DLC1: variants seen among roughly 807,000 people sequenced by gnomAD.
DLC1 encodes rho GTPase-activating protein 7.
DLC1 carries 54 observed loss-of-function variants against 140.3 expected under a neutral mutation model. That is an observed-to-expected ratio of 0.38 (90% CI 0.31 to 0.48). The LOEUF is 0.48. Among genes scored for constraint, DLC1 ranks in the 20% least tolerant of loss-of-function variants. The pLI is 0.96. For synonymous variants in DLC1, 986 were observed against 728.1 expected (o/e 1.35, Z -5.70); for missense variants, 2,536 against 1,907.0 (o/e 1.33, Z -6.14).
intron 1 of DLC1, among the ~76,000 whole-genome samples, chr8:13,588,634 A>C (rs1353937934): frequency 6.6e-6 from 1 of 152,114 alleles, no homozygotes; most frequent in Non-Finnish European, 1.5e-5. Context: ...TCTTAAATGA[A>C]AGTTCAAATA....
At chr8:13,431,431 C>G (rs1033291471) in intron 2 of DLC1, among the ~76,000 whole-genome samples, 1 of 126,278 alleles carries the variant, frequency 7.9e-6, no homozygotes, top group Non-Finnish European at 1.6e-5. Flanking sequence ...TGCAGTGAGC[C>G]AAGATCACGC....
rs527700567 is a variant in DLC1 at position 13,354,347 on chromosome 8, T to A, written c.1314+39206A>T. On this transcript the variant is annotated intron_variant, in intron 4 of 17. Coordinates refer to ENST00000276297, the MANE Select transcript of DLC1 (RefSeq NM_182643.3). Reference sequence around the variant, plus strand: ...AGTTTTATTGTCTTACAGGCTTGACTTTGAGCTTGGTGAAAGCAGGGAATG... The same window carrying A: ...AGTTTTATTGTCTTACAGGCTTGACATTGAGCTTGGTGAAAGCAGGGAATG... 2.8e-4 allele frequency among the ~76,000 whole-genome samples: 43 copies of A among 152,300 alleles called. 1 individual carries two copies. Among genetic ancestry groups the A allele is most frequent in the African/African-American group, 1.0e-3 (42 of 41,564 alleles).
At chr8:13,257,191 T>G (rs1388066610) in intron 5 of DLC1, among the ~76,000 whole-genome samples, 2 of 151,556 alleles carry the variant, frequency 1.3e-5, no homozygotes, top group Admixed American at 1.3e-4. Flanking sequence ...TTTCACACAG[T>G]TCCCGGGACT....
chr8:13,276,200 A>C, intron 5 of DLC1: 1 of 1,524,604 alleles, frequency 6.6e-7, no homozygotes, highest in Non-Finnish European at 8.8e-7. Flanking sequence ...GCGTCTTCGC[A>C]GTAAATTGTT....
At chr8:13,353,482 A>T (rs1834773171) in intron 4 of DLC1, 1 of 152,066 alleles carries the variant, frequency 6.6e-6, no homozygotes, top group South Asian at 2.1e-4. Context: ...GAATATGATT[A>T]GTTCTGTGGC....
chr8:13,195,814 G>A (rs1827013451), intron 5 of DLC1, among the ~76,000 whole-genome samples: 1 of 152,076 alleles, frequency 6.6e-6, no homozygotes, highest in African/African-American at 2.4e-5. Context: ...TTGACCTATA[G>A]CAGCACTATC....
At chr8:13,497,957 A>C (rs947238767) in intron 2 of DLC1, among the ~76,000 whole-genome samples, 1 of 152,308 alleles carries the variant, frequency 6.6e-6, no homozygotes, top group East Asian at 1.9e-4. Flanking sequence ...TTTGTAAGCA[A>C]AACCACAGTC....
intron 1 of DLC1, among the ~76,000 whole-genome samples, chr8:13,575,922 G>T (rs11997679): frequency 6.6e-6 from 1 of 151,970 alleles, no homozygotes; most frequent in Admixed American, 6.6e-5. Context: ...GAGTATCTGT[G>T]TGGCAAGAGA....
At chr8:13,409,847 CTAAGGTTCATGTAGAATTTGGTACATGAT>C (rs1039451349) in intron 2 of DLC1, among the ~76,000 whole-genome samples, 1 of 152,096 alleles carries the variant, frequency 6.6e-6, no homozygotes, top group Non-Finnish European at 1.5e-5. Flanking sequence ...CTTCTACGTG[CTAAGGTTCATGTAGAATTTGGTACATGAT>C]TTAGTAGGCC....
rs377705483 is a variant in DLC1 at position 13,090,464 on chromosome 8, C to T, written c.3862G>A (p.Glu1288Lys). Reference protein sequence around the residue: ...AECKKLFQVPEEMSRCRNSYT... With the variant: ...AECKKLFQVPKEMSRCRNSYT... ...GAATTACGACATCGGCTCATTTCCT[C>T]GGGAACCTGTGCGGAACATGACAGA... The change falls in exon 15 of 18, where the codon GAG (glutamate) becomes AAG (lysine). Residue 1288 changes from glutamate to lysine, a missense_variant. Glu to Lys is a moderately conservative substitution (Grantham distance 56, BLOSUM62 1). Coordinates refer to ENST00000276297, the MANE Select transcript of DLC1 (RefSeq NM_182643.3). 62 of 1,613,760 alleles carry T rather than the reference C, an allele frequency of 3.8e-5. 1 individual carries two copies. Among genetic ancestry groups the T allele is most frequent in the South Asian group, 6.6e-5 (6 of 91,056 alleles).
At chr8:13,134,749 G>A (rs2898352) in intron 5 of DLC1, among the ~76,000 whole-genome samples, 52,724 of 151,858 alleles carry the variant, frequency 0.35, 9,996 homozygotes, top group African/African-American at 0.49. Context: ...GCTTGATCCC[G>A]GGAGCTTGAG....
At chr8:13,595,544 T>G (rs1805654963) in intron 1 of DLC1, among the ~76,000 whole-genome samples, 1 of 152,046 alleles carries the variant, frequency 6.6e-6, no homozygotes, top group Non-Finnish European at 1.5e-5. Flanking sequence ...ATGTTAAAAT[T>G]TATCTTTAAT....
At chr8:13,107,023 A>G (rs1015890190) in intron 7 of DLC1, among the ~76,000 whole-genome samples, 1 of 152,242 alleles carries the variant, frequency 6.6e-6, no homozygotes, top group Non-Finnish European at 1.5e-5. Flanking sequence ...AGCTCTCATA[A>G]TATTGGCCTT....
chr8:13,245,453 CA>C (rs1829725440), intron 5 of DLC1, among the ~76,000 whole-genome samples: 1 of 152,176 alleles, frequency 6.6e-6, no homozygotes, highest in Non-Finnish European at 1.5e-5. Flanking sequence ...GGTTTTGCAG[CA>C]ATAGTAAAAC....
intron 5 of DLC1, among the ~76,000 whole-genome samples, chr8:13,167,022 A>G (rs529758609): frequency 6.6e-6 from 1 of 152,316 alleles, no homozygotes; most frequent in Non-Finnish European, 1.5e-5. Context: ...CTCCTTTCAA[A>G]GCAAACAAAA....
intron 5 of DLC1, among the ~76,000 whole-genome samples, chr8:13,118,968 T>G (rs1440877133): frequency 6.6e-6 from 1 of 152,038 alleles, no homozygotes; most frequent in Non-Finnish European, 1.5e-5. Flanking sequence ...GTGACTCACG[T>G]TTGTAGTCTC....
intron 1 of DLC1, among the ~76,000 whole-genome samples, chr8:13,539,335 G>A (rs1050762227): frequency 3.3e-4 from 50 of 152,052 alleles, no homozygotes; most frequent in African/African-American, 1.2e-3. Flanking sequence ...AAGTAACTGG[G>A]ACTACAGGTG....
At chr8:13,129,632 T>C (rs1328938264) in intron 5 of DLC1, among the ~76,000 whole-genome samples, 3 of 152,214 alleles carry the variant, frequency 2.0e-5, no homozygotes, top group Non-Finnish European at 2.9e-5. Context: ...TTCAAATCAT[T>C]GGACTGTGCA....
intron 13 of DLC1, among the ~76,000 whole-genome samples, chr8:13,091,904 C>G (rs898994497): frequency 2.0e-5 from 3 of 152,198 alleles, no homozygotes; most frequent in Non-Finnish European, 4.4e-5. Flanking sequence ...CTACTCATCT[C>G]TAGCTCTGTA....
Sources: allele counts gnomAD v4.1 joint callset (sites outside exome capture counted in the v4.1 genomes callset), GRCh38; gene constraint gnomAD v4.1.1; transcripts MANE v1.5; gene names NCBI Gene and HGNC (gene_info 2026-07-23, HGNC 2026-07-21).